Variants in MARCHF3 observed in about 807,000 individuals in gnomAD.
MARCHF3 encodes the protein E3 ubiquitin-protein ligase MARCHF3.
A neutral mutation model predicts 24.2 loss-of-function variants in MARCHF3; 13 were observed. The observed-to-expected ratio is 0.54, with a 90% CI of 0.35 to 0.85. The LOEUF is 0.85. MARCHF3 is among the 40% of genes least tolerant of loss of function. The pLI, the probability that MARCHF3 is intolerant of heterozygous loss-of-function variation, is 0.01. For missense variants in MARCHF3, 276 were observed against 325.0 expected, an observed-to-expected ratio of 0.85 and a Z score of 1.16; for synonymous variants, 144 against 137.3, an observed-to-expected ratio of 1.05 and a Z score of -0.34.
At chr5:126,903,144 T>C (rs1225351081) in intron 3 of MARCHF3, among the ~76,000 whole-genome samples, 1 of 151,894 alleles carries the variant, frequency 6.6e-6, no homozygotes, top group Non-Finnish European at 1.5e-5. Context: ...AGATGAGGTG[T>C]TGGTAGAAAG....
chr5:126,989,742 C>T (rs111728386), intron 1 of MARCHF3, among the ~76,000 whole-genome samples: 2,067 of 152,240 alleles, frequency 0.014, 54 homozygotes, highest in African/African-American at 0.048. Flanking sequence ...ATACTTACAG[C>T]ACATCAATTA....
At chr5:126,921,630 T>C (rs1487339289) in intron 1 of MARCHF3, among the ~76,000 whole-genome samples, 1 of 152,214 alleles carries the variant, frequency 6.6e-6, no homozygotes, top group East Asian at 1.9e-4. Flanking sequence ...TCAAGCACTA[T>C]CTGACTGCTT....
At chr5:127,006,424 C>G (rs1350262471) in intron 1 of MARCHF3, among the ~76,000 whole-genome samples, 1 of 152,054 alleles carries the variant, frequency 6.6e-6, no homozygotes, top group Non-Finnish European at 1.5e-5. Flanking sequence ...TTGTTTTAGG[C>G]CATAAATTCA....
intron 3 of MARCHF3, among the ~76,000 whole-genome samples, chr5:126,909,463 A>G (rs968794330): frequency 2.0e-5 from 3 of 152,180 alleles, no homozygotes; most frequent in African/African-American, 7.2e-5. Context: ...TGTGCTAGCA[A>G]TCAGCGACAC....
chr5:127,027,183 C>A (rs563033792), intron 1 of MARCHF3, among the ~76,000 whole-genome samples: 16 of 152,276 alleles, frequency 1.1e-4, no homozygotes, highest in African/African-American at 3.1e-4. Flanking sequence ...CAATTCTCAA[C>A]CCACATCTCT....
rs925178508 is a variant in MARCHF3, at chr5:126,869,537, TCAGA to T, written c.*1092_*1095del. ...CTGTGTGGGGCTCCTTTTTAAAGAA[TCAGA>T]CAAAGGGGTCTTAGAATAAGTGCAG... On this transcript the variant is annotated 3_prime_UTR_variant, in exon 5 of 5. Coordinates refer to ENST00000308660, the MANE Select transcript of MARCHF3 (RefSeq NM_178450.5). The T allele has an allele frequency of 3.5e-5, 5 of 142,468 alleles. No individual in the cohort carries two copies. Among genetic ancestry groups the T allele is most frequent in the African/African-American group, 1.3e-4 (5 of 38,160 alleles). 8.8% of individuals were successfully genotyped at this position (142,468 alleles called of 1,614,324 possible). A position where few individuals can be genotyped will look rare whatever the true frequency, so the allele number is the denominator to read the frequency against.
intron 1 of MARCHF3, among the ~76,000 whole-genome samples, chr5:126,954,402 G>C (rs891781979): frequency 6.7e-6 from 1 of 150,018 alleles, no homozygotes; most frequent in Admixed American, 6.6e-5. Flanking sequence ...ACAGGGTCTC[G>C]TTCTGTCTTT....
At chr5:126,898,775 A>C (rs973594300) in intron 3 of MARCHF3, 25 of 790,658 alleles carry the variant, frequency 3.2e-5, no homozygotes, top group Admixed American at 1.3e-4. Context: ...TTTCCCTCGG[A>C]GCCCTAAAAG....
At chr5:126,899,746 T>G (rs1489159652) in intron 3 of MARCHF3, among the ~76,000 whole-genome samples, 11 of 152,128 alleles carry the variant, frequency 7.2e-5, no homozygotes, top group Non-Finnish European at 1.2e-4. Context: ...CAGGGTGTTT[T>G]TTAAAACAGA....
At chr5:127,019,511 G>A (rs1752728665) in intron 1 of MARCHF3, among the ~76,000 whole-genome samples, 1 of 152,210 alleles carries the variant, frequency 6.6e-6, no homozygotes, top group Admixed American at 6.5e-5. Context: ...ATTCTTCTTA[G>A]CAATAATTTC....
intron 3 of MARCHF3, chr5:126,914,588 G>A (rs182891705): frequency 1.8e-5 from 7 of 396,242 alleles, no homozygotes; most frequent in Admixed American, 1.1e-4. Flanking sequence ...GGTGCGCAAG[G>A]AGAAAGATGT....
chr5:126,909,298 G>A (rs1394264709), intron 3 of MARCHF3, among the ~76,000 whole-genome samples: 1 of 152,266 alleles, frequency 6.6e-6, no homozygotes, highest in East Asian at 1.9e-4. Flanking sequence ...GCACGCAGAA[G>A]TGGAGCCTAT....
chr5:126,994,616 C>T (rs1199126551), intron 1 of MARCHF3, among the ~76,000 whole-genome samples: 1 of 152,218 alleles, frequency 6.6e-6, no homozygotes, highest in Admixed American at 6.5e-5. Context: ...CTTACATCAA[C>T]AAGATCTGCA....
chr5:126,871,242 A>G (rs2126763160), intron 4 of MARCHF3, among the ~76,000 whole-genome samples: 1 of 152,214 alleles, frequency 6.6e-6, no homozygotes, highest in South Asian at 2.1e-4. Flanking sequence ...ACCCTGCACA[A>G]CTCAAAGGAT....
Position 126,989,339 on chromosome 5 carries a change from A to ACT in MARCHF3, c.-57+41010_-57+41011insAG, listed in dbSNP as rs1424666870. Among the ~76,000 whole-genome samples, 427 of 137,984 alleles carry ACT rather than the reference A, an allele frequency of 3.1e-3. 2 individuals are homozygous for ACT. Among genetic ancestry groups the ACT allele is most frequent in the African/African-American group, 9.2e-3 (324 of 35,040 alleles). 90.5% of individuals were successfully genotyped at this position (137,984 alleles called of 152,430 possible). A position where few individuals can be genotyped will look rare whatever the true frequency, so the allele number is the denominator to read the frequency against. ...TACTACTACTACTACTACTACTACT[A>ACT]ATAATAATAATAATATTAGGACTAA... On this transcript the variant is annotated intron_variant, in intron 1 of 4. Coordinates refer to ENST00000308660, the MANE Select transcript of MARCHF3 (RefSeq NM_178450.5).
chr5:126,929,838 A>C (rs530188559), intron 1 of MARCHF3, among the ~76,000 whole-genome samples: 1 of 152,140 alleles, frequency 6.6e-6, no homozygotes, highest in Non-Finnish European at 1.5e-5. Context: ...GTGATAGTGA[A>C]TAAGTCTCAC....
intron 1 of MARCHF3, among the ~76,000 whole-genome samples, chr5:127,000,883 G>C (rs913710589): frequency 2.0e-5 from 3 of 151,886 alleles, no homozygotes; most frequent in Non-Finnish European, 4.4e-5. Context: ...AGCCAGGATG[G>C]TCTCGATCTC....
At chr5:126,945,190 A>C (rs995461694) in intron 1 of MARCHF3, among the ~76,000 whole-genome samples, 1 of 152,192 alleles carries the variant, frequency 6.6e-6, no homozygotes, top group East Asian at 1.9e-4. Context: ...ATGAAGCCAT[A>C]TTGATGGCTT....
chr5:126,890,097 G>A (rs1394660285), intron 3 of MARCHF3, among the ~76,000 whole-genome samples: 1 of 152,098 alleles, frequency 6.6e-6, no homozygotes, highest in East Asian at 1.9e-4. Flanking sequence ...CACTGGGTAT[G>A]GGGCCCAGAA....
Sources: gnomAD v4.1 joint callset for allele counts (sites outside exome capture counted in the v4.1 genomes callset) on GRCh38, gnomAD v4.1.1 for gene constraint, MANE v1.5 for transcripts, NCBI Gene and HGNC (gene_info 2026-07-23, HGNC 2026-07-21) for gene names.